MARCHF7: variants seen among roughly 807,000 people sequenced by gnomAD.
The protein encoded by MARCHF7 is E3 ubiquitin-protein ligase MARCHF7.
In MARCHF7, 20 loss-of-function variants were observed where a neutral mutation model predicts 76.5. That is an observed-to-expected ratio of 0.26 (90% CI 0.18 to 0.38). The LOEUF (loss-of-function observed/expected upper bound fraction) is 0.38. Ranked by LOEUF, MARCHF7 falls within the 10% of genes least tolerant of loss-of-function variation. MARCHF7 has a pLI of 1.00. For missense variants in MARCHF7, 797 were observed against 812.9 expected, an observed-to-expected ratio of 0.98 and a Z score of 0.24; for synonymous variants, 295 against 293.0, an observed-to-expected ratio of 1.01 and a Z score of -0.07.
intron 3 of MARCHF7, among the ~76,000 whole-genome samples, chr2:159,727,163 T>C (rs1200010715): frequency 2.0e-5 from 3 of 152,232 alleles, no homozygotes; most frequent in Non-Finnish European, 4.4e-5. Context: ...TATGGTACAA[T>C]ATAGATGAAC....
intron 4 of MARCHF7, among the ~76,000 whole-genome samples, chr2:159,739,202 C>T (rs1042831656): frequency 2.0e-5 from 3 of 152,190 alleles, no homozygotes; most frequent in Admixed American, 6.5e-5. Flanking sequence ...GGCTCCCACC[C>T]CACCAACTTG....
In MARCHF7 at chr2:159,748,373, C is replaced by G. The variant is rs1321282991; in HGVS notation, c.1083C>G (p.Ser361Arg). The change falls in exon 7 of 12, where the codon AGC becomes AGG. Residue 361 changes from serine to arginine, a missense_variant. Transcript: ENST00000409175. ...LRRRWGLSSL[S>R]HNHSSESDSE... ...GAAGATGGGGTTTGTCATCTCTTAG[C>G]CACAATCATAGCTCTGAGTCAGATT... is the stretch of plus-strand genomic sequence containing the variant. 1.6e-5 allele frequency: 26 copies of G among 1,613,738 alleles called. No homozygotes were observed. The highest frequency in any genetic ancestry group is 1.9e-5 in the Non-Finnish European group (22 of 1,180,030).
In MARCHF7 at chr2:159,748,438, G is replaced by A; in HGVS notation, c.1148G>A (p.Gly383Glu). ...CAAGAATCTGAAGGTAGAAATACAGGACCATGGTTATCTTCCTCACTTAGA... is the reference window on the plus strand; with the variant it reads ...CAAGAATCTGAAGGTAGAAATACAGAACCATGGTTATCTTCCTCACTTAGA... ...FNQESEGRNT[G>E]PWLSSSLRNR... The change falls in exon 7 of 12, where the codon GGA (glycine) becomes GAA (glutamate). Residue 383 changes from glycine (G) to glutamate (E), a missense_variant. Coordinates refer to ENST00000409175, the MANE Select transcript of MARCHF7 (RefSeq NM_001282805.2). The A allele has an allele frequency of 1.2e-6, 2 of 1,614,116 alleles. No homozygotes were observed. The highest frequency in any genetic ancestry group is 1.7e-6 in the Non-Finnish European group (2 of 1,180,030).
chr2:159,727,812 A>T (rs13382308), intron 3 of MARCHF7, among the ~76,000 whole-genome samples: 1 of 152,202 alleles, frequency 6.6e-6, no homozygotes, highest in Non-Finnish European at 1.5e-5. Flanking sequence ...GTTGGACACA[A>T]AAGAGTACTT....
intron 11 of MARCHF7, 85 bp downstream of exon 11, chr2:159,764,759 C>A: frequency 1.0e-6 from 1 of 990,854 alleles, no homozygotes; most frequent in Non-Finnish European, 1.5e-6. Context: ...ATACTCTGTT[C>A]TGCCAAATTA....
At position 159,729,109 on chromosome 2, in the gene MARCHF7, A is replaced by G; in HGVS notation, c.87A>G (p.Arg29=). 1 of 1,611,462 alleles carries G rather than the reference A, an allele frequency of 6.2e-7. No homozygotes were observed. Among genetic ancestry groups the G allele is most frequent in the Non-Finnish European group, 8.5e-7 (1 of 1,178,978 alleles). The change falls in exon 4 of 12, where the codon AGA becomes AGG. Residue 29 remains arginine, a synonymous_variant. Coordinates refer to ENST00000409175, the MANE Select transcript of MARCHF7 (RefSeq NM_001282805.2). ...GTGCTAGGATGATGTCTGGAAGCAG[A>G]GGAAGTAGTTTAAATGATACCTATC... The part of the protein sequence containing the change: ...SLSARMMSGS[R]GSSLNDTYHS...
intron 1 of MARCHF7, among the ~76,000 whole-genome samples, chr2:159,713,608 AG>A (rs1700581767): frequency 1.3e-5 from 2 of 152,228 alleles, no homozygotes; most frequent in African/African-American, 4.8e-5. Context: ...AAAATCCAAT[AG>A]TATACAGTTA....
chr2:159,739,251 A>C (rs1016634800), intron 4 of MARCHF7, among the ~76,000 whole-genome samples: 1 of 152,166 alleles, frequency 6.6e-6, no homozygotes, highest in East Asian at 1.9e-4. Flanking sequence ...GACTCTGTGG[A>C]GCGCACAGAC....
Position 159,712,550 on chromosome 2 carries a change from C to T in MARCHF7, c.-199C>T, listed in dbSNP as rs545086707. The T allele has an allele frequency of 1.3e-5, 2 of 152,754 alleles. No homozygotes were observed. Among genetic ancestry groups the T allele is most frequent in the African/African-American group, 2.4e-5 (1 of 41,520 alleles). 9.5% of individuals were successfully genotyped at this position (152,754 alleles called of 1,614,324 possible). On this transcript the variant is annotated 5_prime_UTR_variant, in exon 1 of 12. Coordinates refer to ENST00000409175, the MANE Select transcript of MARCHF7 (RefSeq NM_001282805.2). Reference sequence around the variant, plus strand: ...GAGAGGGGCGGGCGCCATTGTGCTTCGCTGCCGACTGCATTTCCTCAGTCA... The same window carrying T: ...GAGAGGGGCGGGCGCCATTGTGCTTTGCTGCCGACTGCATTTCCTCAGTCA...
intron 3 of MARCHF7, among the ~76,000 whole-genome samples, chr2:159,717,821 A>G (rs1264081219): frequency 6.6e-6 from 1 of 152,250 alleles, no homozygotes; most frequent in Non-Finnish European, 1.5e-5. Context: ...TAACAGCAAA[A>G]TAATAAAAAT....
At position 159,769,927 on chromosome 2, in the gene MARCHF7, G is replaced by A. The variant is rs1019251227; in HGVS notation, c.*2585G>A. 6.6e-6 allele frequency: 1 copy of A among 152,168 alleles called. No individual in the cohort carries two copies. The highest frequency in any genetic ancestry group is 1.5e-5 in the Non-Finnish European group (1 of 68,026). 9.4% of individuals were successfully genotyped at this position (152,168 alleles called of 1,614,324 possible). ...ACCTGTGATTTGAACACTTGACAAT[G>A]TGGCTAATGTAATTCGAAAACTGGA... is the stretch of plus-strand genomic sequence containing the variant. On this transcript the variant is annotated 3_prime_UTR_variant, in exon 12 of 12. Transcript: ENST00000409175.
chr2:159,715,446 A>G lies in MARCHF7; in HGVS notation c.-100-235A>G, dbSNP rs552654096. 3.0e-4 allele frequency among the ~76,000 whole-genome samples: 46 copies of G among 152,252 alleles called. No individual in the cohort carries two copies. In the East Asian group the frequency reaches 7.1e-3, roughly 24 times the overall value. ...GCTGCAGCCGCAGTCTCCCAGACTC[A>G]AGCAGTTCTCCCACCTCAGCTTCCT... On this transcript the variant is annotated intron_variant, in intron 2 of 11. Transcript: ENST00000409175.
At position 159,742,948 on chromosome 2, in the gene MARCHF7, A is replaced by G. The variant is rs1574335363; in HGVS notation, c.154-113A>G. On this transcript the variant is annotated intron_variant, in intron 4 of 11. Coordinates refer to ENST00000409175, the MANE Select transcript of MARCHF7 (RefSeq NM_001282805.2). Reference sequence around the variant, plus strand: ...CAAGACTCAGTCTCAAAAAAAAAAAAGAACTACGTGGTAGAAAAATTGATG... The same window carrying G: ...CAAGACTCAGTCTCAAAAAAAAAAAGGAACTACGTGGTAGAAAAATTGATG... 1.1e-5 allele frequency: 10 copies of G among 884,918 alleles called. No individual in the cohort carries two copies. The East Asian group carries it at 2.4e-4, about 22-fold the overall frequency. The allele number at this position is 884,918 out of a possible 1,614,324, so 54.8% of individuals were successfully genotyped here.
At chr2:159,749,991 T>C (rs1009541657) in intron 7 of MARCHF7, among the ~76,000 whole-genome samples, 1 of 152,208 alleles carries the variant, frequency 6.6e-6, no homozygotes, top group Admixed American at 6.5e-5. Context: ...ATGCACAAAA[T>C]TTACTTTGAT....
intron 3 of MARCHF7, among the ~76,000 whole-genome samples, chr2:159,717,586 G>T (rs138680820): frequency 6.6e-5 from 10 of 152,236 alleles, no homozygotes; most frequent in Non-Finnish European, 7.4e-5. Context: ...CTTTCACTTA[G>T]TCTTTACTAG....
intron 4 of MARCHF7, among the ~76,000 whole-genome samples, chr2:159,734,545 G>T (rs1703223860): frequency 5.9e-5 from 9 of 152,072 alleles, no homozygotes; most frequent in Admixed American, 5.9e-4. Context: ...AATAAATATG[G>T]AGAGTGGGTC....
intron 4 of MARCHF7, chr2:159,734,044 A>G (rs1240262924): frequency 2.9e-6 from 4 of 1,356,412 alleles, no homozygotes; most frequent in Admixed American, 5.3e-5. Flanking sequence ...CACAATTTGA[A>G]TGATTGGCAA....
At chr2:159,748,959 C>CA in intron 7 of MARCHF7, 56 bp downstream of exon 7, 1 of 989,720 alleles carries the variant, frequency 1.0e-6, no homozygotes, top group Non-Finnish European at 1.4e-6. Context: ...AAGAACTCTT[C>CA]ATTTCTTTTT....
At position 159,747,868 on chromosome 2, in the gene MARCHF7, C is replaced by T. The variant is rs16844275; in HGVS notation, c.578C>T (p.Thr193Ile). ...GARPKENSMS[T>I]LQLNTSSTNH... ...AGACCAAAAGAAAACTCAATGAGCA[C>T]TTTACAGTTGAATACATCATCCACA... is the stretch of plus-strand genomic sequence containing the variant. The change falls in exon 7 of 12, where the codon ACT (threonine) becomes ATT (isoleucine). Residue 193 changes from threonine (T) to isoleucine (I), a missense_variant. Thr to Ile is a moderately conservative substitution (Grantham distance 89, BLOSUM62 -1). Coordinates refer to ENST00000409175, the MANE Select transcript of MARCHF7 (RefSeq NM_001282805.2). 52,706 of 1,613,828 alleles carry T rather than the reference C, an allele frequency of 0.033. 1,135 individuals carry two copies. Among genetic ancestry groups the T allele is most frequent in the East Asian group, 0.099 (4,430 of 44,858 alleles).
Sources: gnomAD v4.1 joint callset for allele counts (sites outside exome capture counted in the v4.1 genomes callset) on GRCh38, gnomAD v4.1.1 for gene constraint, MANE v1.5 for transcripts, NCBI Gene and HGNC (gene_info 2026-07-23, HGNC 2026-07-21) for gene names.